Variants in ADAMTSL1 observed in about 807,000 individuals in gnomAD.
The protein encoded by ADAMTSL1 is ADAMTS like 1, also known as ADAMTS-like protein 1.
Under a neutral mutation model 201.8 loss-of-function variants are expected in ADAMTSL1, and 126 were observed. The ratio of observed to expected loss-of-function variants is 0.62; its 90% confidence interval spans 0.54 to 0.72. The LOEUF (loss-of-function observed/expected upper bound fraction) is 0.72, where lower values mean the gene tolerates loss of function less well. Among genes scored for constraint, ADAMTSL1 ranks in the 30% least tolerant of loss-of-function variants. The pLI, the probability that ADAMTSL1 is intolerant of heterozygous loss-of-function variation, is 0.00. For missense variants in ADAMTSL1, 2,679 were observed against 2,277.8 expected, an observed-to-expected ratio of 1.18 and a Z score of -3.59; for synonymous variants, 1,121 against 903.4, an observed-to-expected ratio of 1.24 and a Z score of -4.32.
At chr9:18,524,866 A>C (rs1205168150) in intron 2 of ADAMTSL1, among the ~76,000 whole-genome samples, 2 of 151,996 alleles carry the variant, frequency 1.3e-5, no homozygotes, top group African/African-American at 4.8e-5. Flanking sequence ...AGGATTTTTG[A>C]ATCGATGTTC....
intron 1 of ADAMTSL1, among the ~76,000 whole-genome samples, chr9:17,920,790 C>G (rs535464539): frequency 6.6e-6 from 1 of 152,304 alleles, no homozygotes; most frequent in Admixed American, 6.5e-5. Flanking sequence ...GTCCTAACTT[C>G]TCAACTCTGC....
chr9:18,639,897 A>G (rs946989467), intron 7 of ADAMTSL1, among the ~76,000 whole-genome samples: 2 of 152,158 alleles, frequency 1.3e-5, no homozygotes, highest in African/African-American at 2.4e-5. Context: ...TCAAGGTAAT[A>G]TAAAACACAT....
At chr9:18,290,656 C>G (rs1054510689) in intron 2 of ADAMTSL1, among the ~76,000 whole-genome samples, 5 of 151,714 alleles carry the variant, frequency 3.3e-5, no homozygotes, top group African/African-American at 1.2e-4. Context: ...TCTATGCCAT[C>G]TAGTATTAGA....
intron 2 of ADAMTSL1, among the ~76,000 whole-genome samples, chr9:18,366,583 C>T (rs1021324100): frequency 1.4e-5 from 2 of 143,258 alleles, no homozygotes; most frequent in Non-Finnish European, 1.5e-5. Context: ...TCTTTTCCAA[C>T]AAAAACACTA....
intron 1 of ADAMTSL1, among the ~76,000 whole-genome samples, chr9:17,920,986 C>T (rs146819368): frequency 2.2e-4 from 33 of 152,138 alleles, no homozygotes; most frequent in African/African-American, 7.2e-4. Context: ...ATGCTAGGTT[C>T]TTTGTGGGCT....
chr9:18,124,352 A>G (rs543226645), intron 1 of ADAMTSL1, among the ~76,000 whole-genome samples: 25 of 152,196 alleles, frequency 1.6e-4, no homozygotes, highest in Admixed American at 1.1e-3. Flanking sequence ...AAGTGCTAGG[A>G]TTACAGGTGT....
At chr9:18,796,166 T>A (rs1334413608) in intron 20 of ADAMTSL1, among the ~76,000 whole-genome samples, 2 of 152,216 alleles carry the variant, frequency 1.3e-5, no homozygotes, top group African/African-American at 4.8e-5. Context: ...AGAGCTTTTA[T>A]AAAACCTCTT....
chr9:17,949,413 C>T (rs765832402), intron 1 of ADAMTSL1, among the ~76,000 whole-genome samples: 2 of 152,148 alleles, frequency 1.3e-5, no homozygotes, highest in Non-Finnish European at 2.9e-5. Context: ...TAGGTTATCT[C>T]CACTATTAAG....
chr9:18,676,564 A>C (rs1435335103), intron 10 of ADAMTSL1, among the ~76,000 whole-genome samples: 1 of 152,096 alleles, frequency 6.6e-6, no homozygotes, highest in African/African-American at 2.4e-5. Context: ...TCCCTTTATA[A>C]TATATTCATA....
At chr9:18,620,656 T>C (rs1825981358) in intron 4 of ADAMTSL1, among the ~76,000 whole-genome samples, 1 of 152,208 alleles carries the variant, frequency 6.6e-6, no homozygotes, top group Non-Finnish European at 1.5e-5. Flanking sequence ...TGAAATTCGG[T>C]TGCTTTCTGA....
intron 2 of ADAMTSL1, among the ~76,000 whole-genome samples, chr9:18,412,852 A>G (rs562959090): frequency 6.6e-6 from 1 of 152,308 alleles, no homozygotes; most frequent in African/African-American, 2.4e-5. Flanking sequence ...CCTTTATCAG[A>G]TATAGAGTCA....
chr9:18,296,682 T>G (rs1482170973), intron 2 of ADAMTSL1, among the ~76,000 whole-genome samples: 3 of 152,204 alleles, frequency 2.0e-5, no homozygotes, highest in African/African-American at 7.2e-5. Context: ...TGAGTTTAGT[T>G]CCTATGTATT....
intron 3 of ADAMTSL1, among the ~76,000 whole-genome samples, chr9:18,551,113 C>T (rs1445735598): frequency 2.0e-5 from 3 of 151,792 alleles, no homozygotes; most frequent in Non-Finnish European, 4.4e-5. Context: ...ACAAAAAATA[C>T]AAAACAAAAT....
chr9:18,613,685 AC>A (rs1342273445), intron 4 of ADAMTSL1, among the ~76,000 whole-genome samples: 7 of 152,168 alleles, frequency 4.6e-5, no homozygotes, highest in Non-Finnish European at 2.9e-5. Flanking sequence ...AATGACAAGA[AC>A]ACATGAAGAC....
At chr9:18,359,851 C>T (rs1322270363) in intron 2 of ADAMTSL1, among the ~76,000 whole-genome samples, 1 of 102,770 alleles carries the variant, frequency 9.7e-6, no homozygotes, top group African/African-American at 4.0e-5. Flanking sequence ...ACAAAATGCC[C>T]CACCCCTGCT....
At position 18,777,332 on chromosome 9, in the gene ADAMTSL1, C is replaced by T. The variant is rs776953256; in HGVS notation, c.3103C>T (p.Pro1035Ser). 3 of 1,600,824 alleles carry T rather than the reference C, an allele frequency of 1.9e-6. No individual in the cohort carries two copies. The highest frequency in any genetic ancestry group is 2.2e-5 in the South Asian group (2 of 89,332). The change falls in exon 19 of 29, where the codon CCC becomes TCC. Residue 1035 changes from proline (P) to serine (S), a missense_variant. Physicochemically the swap from Pro to Ser is moderately conservative, Grantham distance 74. Transcript: ENST00000380548. ...VSRLLEQGGW[P>S]GELLASWEAQ... is the part of the protein sequence containing the mutation. ...CCGGCTGCTGGAGCAGGGCGGCTGGCCCGGAGAGCTGCTGGCCTCGTGGGA... is the reference window on the plus strand; with the variant it reads ...CCGGCTGCTGGAGCAGGGCGGCTGGTCCGGAGAGCTGCTGGCCTCGTGGGA...
At chr9:18,196,398 C>T (rs551973880) in intron 2 of ADAMTSL1, among the ~76,000 whole-genome samples, 4 of 152,118 alleles carry the variant, frequency 2.6e-5, no homozygotes, top group African/African-American at 9.6e-5. Context: ...GCTCAGAGAT[C>T]TTAATGGAAT....
At chr9:18,567,980 C>G (rs978832138) in intron 3 of ADAMTSL1, among the ~76,000 whole-genome samples, 1 of 152,232 alleles carries the variant, frequency 6.6e-6, no homozygotes, top group South Asian at 2.1e-4. Flanking sequence ...TATTATAACT[C>G]TACTATAACA....
chr9:18,747,930 C>CCAAT (rs1170815276), intron 15 of ADAMTSL1, among the ~76,000 whole-genome samples: 1 of 152,162 alleles, frequency 6.6e-6, no homozygotes, highest in African/African-American at 2.4e-5. Flanking sequence ...AAGTGACAGG[C>CCAAT]CAATCCAGGC....
Sources: allele counts gnomAD v4.1 joint callset (sites outside exome capture counted in the v4.1 genomes callset), GRCh38; gene constraint gnomAD v4.1.1; transcripts MANE v1.5; gene names NCBI Gene and HGNC (gene_info 2026-07-23, HGNC 2026-07-21).